FCGR3A: variants seen among roughly 807,000 people sequenced by gnomAD.
FCGR3A encodes the protein Fc gamma receptor IIIa.
Under a neutral mutation model 24.1 loss-of-function variants are expected in FCGR3A, and 13 were observed. The observed-to-expected ratio is 0.54, with a 90% confidence interval of 0.35 to 0.86. FCGR3A has a LOEUF of 0.86. Among genes scored for constraint, FCGR3A ranks in the 40% least tolerant of loss-of-function variants. FCGR3A has a pLI of 0.01. For missense variants in FCGR3A, 235 were observed against 298.0 expected (o/e 0.79, Z 1.56); for synonymous variants, 93 against 112.2 (o/e 0.83, Z 1.08).
chr1:161,549,822 C>G, upstream of FCGR3A: 1 of 1,613,722 alleles, frequency 6.2e-7, no homozygotes, highest in Non-Finnish European at 8.5e-7. Context: ...AGTAAACAGC[C>G]TTTCCCCAGC....
At chr1:161,545,313 T>C (rs1677338485) in intron 3 of FCGR3A, 1 of 274,490 alleles carries the variant, frequency 3.6e-6, no homozygotes, top group African/African-American at 2.2e-5. Flanking sequence ...CAGTAAGTTC[T>C]AGATCAGAGT....
intron 4 of FCGR3A, among the ~76,000 whole-genome samples, chr1:161,544,022 G>A (rs1318293208): frequency 1.3e-5 from 2 of 152,304 alleles, no homozygotes; most frequent in African/African-American, 2.4e-5. Flanking sequence ...TCTTTGATGT[G>A]ACCTTAGGGA....
intron 4 of FCGR3A, among the ~76,000 whole-genome samples, chr1:161,544,373 C>T (rs1472903418): frequency 2.0e-5 from 3 of 151,664 alleles, no homozygotes; most frequent in Admixed American, 6.6e-5. Context: ...GAGGCCAGCA[C>T]GATAGGAACA....
intron 1 of FCGR3A, 60 bp downstream of exon 1, chr1:161,549,637 G>A: frequency 6.2e-7 from 1 of 1,603,864 alleles, no homozygotes; most frequent in East Asian, 2.2e-5. Flanking sequence ...CTGAAAAGGG[G>A]TCTCTGCTGA....
chr1:161,547,968 G>A (rs1374943103), intron 3 of FCGR3A, among the ~76,000 whole-genome samples: 12 of 152,412 alleles, frequency 7.9e-5, no homozygotes, highest in African/African-American at 2.6e-4. Flanking sequence ...TACTCGGGAG[G>A]CTGAGGCAGG....
At chr1:161,549,462 T>C (rs1425815867) in intron 1 of FCGR3A, among the ~76,000 whole-genome samples, 2 of 152,056 alleles carry the variant, frequency 1.3e-5, no homozygotes, top group African/African-American at 4.8e-5. Flanking sequence ...AGAGTGATTC[T>C]GGGACCCAGA....
chr1:161,550,163 C>T (rs569115028), upstream of FCGR3A: 421 of 513,112 alleles, frequency 8.2e-4, 6 homozygotes, highest in Admixed American at 0.013. Flanking sequence ...TGAGGGCTTC[C>T]TTCATTTCAC....
chr1:161,546,827 C>T (rs569793753), intron 3 of FCGR3A, among the ~76,000 whole-genome samples: 93 of 152,020 alleles, frequency 6.1e-4, no homozygotes, highest in African/African-American at 2.2e-3. Context: ...ATTGCTTGAA[C>T]CCGGGAGGTG....
chr1:161,547,974 G>T (rs1315405474), intron 3 of FCGR3A, among the ~76,000 whole-genome samples: 19 of 152,412 alleles, frequency 1.2e-4, no homozygotes, highest in African/African-American at 4.3e-4. Flanking sequence ...GGAGGCTGAG[G>T]CAGGAGAATC....
Position 161,544,647 on chromosome 1 carries a change from T to C in FCGR3A, c.577+54A>G, listed in dbSNP as rs1406491355. The C allele has an allele frequency of 6.9e-6, 11 of 1,590,898 alleles. No individual in the cohort carries two copies. In the African/African-American group the frequency reaches 1.1e-4, roughly 16 times the overall value. ...TCCCAACTCAACTTCCCAGTGTGATTGCAGGTTCCACACACAGGCGTCCCT... is the reference window on the plus strand; with the variant it reads ...TCCCAACTCAACTTCCCAGTGTGATCGCAGGTTCCACACACAGGCGTCCCT... On this transcript the variant is annotated intron_variant, in intron 4 of 4. Coordinates refer to ENST00000443193, the MANE Select transcript of FCGR3A (RefSeq NM_000569.8).
At chr1:161,545,917 C>T (rs1677371481) in intron 3 of FCGR3A, 1 of 152,006 alleles carries the variant, frequency 6.6e-6, no homozygotes, top group South Asian at 2.1e-4. Flanking sequence ...GAAGGATATG[C>T]ACTTACATAT....
At chr1:161,549,319 G>T (rs1677626379) in intron 1 of FCGR3A, among the ~76,000 whole-genome samples, 1 of 151,816 alleles carries the variant, frequency 6.6e-6, no homozygotes, top group African/African-American at 2.4e-5. Flanking sequence ...CCTGAACCAA[G>T]CTACAGAAAG....
rs894642895 is a variant in FCGR3A, at chr1:161,544,784, T to C, written c.494A>G (p.Lys165Arg). ...SDFYIPKATL[K>R]DSGSYFCRGL... The stretch of plus-strand genomic sequence containing the variant: ...CCTGCAGAAGTAGGAGCCGCTGTCT[T>C]TGAGTGTGGCTTTTGGAATGTAGAA... The change falls in exon 4 of 5, where the codon AAA becomes AGA. Residue 165 changes from lysine (K) to arginine (R), a missense_variant. Coordinates refer to ENST00000443193, the MANE Select transcript of FCGR3A (RefSeq NM_000569.8). 2.3e-5 allele frequency: 37 copies of C among 1,613,566 alleles called. No homozygotes were observed. In the Admixed American group the frequency reaches 4.3e-4, roughly 19 times the overall value.
rs1677202240 is a variant in FCGR3A, at chr1:161,543,067, G to C, written c.710C>G (p.Thr237Arg). 1 of 1,613,458 alleles carries C rather than the reference G, an allele frequency of 6.2e-7. No homozygotes were observed. The highest frequency in any genetic ancestry group is 1.7e-5 in the Admixed American group (1 of 59,956). Residue 237 changes from threonine to arginine, a missense_variant, in exon 5 of 5, where the codon ACA becomes AGA. Physicochemically the swap from Thr to Arg is moderately conservative, Grantham distance 71. Transcript: ENST00000443193. ...FSVKTNIRSS[T>R]RDWKDHKFKW... ...AAATTTATGGTCCTTCCAGTCTCTT[G>C]TTGAGCTTCGAATGTTTGTCTTCAC...
chr1:161,542,814 G>T lies in FCGR3A; in HGVS notation c.*198C>A, dbSNP rs963187885. 2.1e-6 allele frequency: 1 copy of T among 485,286 alleles called. No homozygotes were observed. The highest frequency in any genetic ancestry group is 1.9e-5 in the African/African-American group (1 of 51,784). 30.1% of individuals were successfully genotyped at this position (485,286 alleles called of 1,614,324 possible). A position where few individuals can be genotyped will look rare whatever the true frequency, so the allele number is the denominator to read the frequency against. On this transcript the variant is annotated 3_prime_UTR_variant, in exon 5 of 5. Coordinates refer to ENST00000443193, the MANE Select transcript of FCGR3A (RefSeq NM_000569.8). ...TCTAGGAATGCAGCTACTCACTGGG[G>T]CTTCCCTGCTTGAAGATCATGGGCT... is the stretch of plus-strand genomic sequence containing the variant.
In FCGR3A at chr1:161,542,640, G is replaced by GT. The variant is rs929608794; in HGVS notation, c.*371dup. 9.5e-4 allele frequency: 158 copies of GT among 167,034 alleles called. No individual in the cohort carries two copies. Among genetic ancestry groups the GT allele is most frequent in the South Asian group, 2.6e-3 (16 of 6,190 alleles). The allele number at this position is 167,034 out of a possible 1,614,324, so 10.3% of individuals were successfully genotyped here. On this transcript the variant is annotated 3_prime_UTR_variant, in exon 5 of 5. Transcript: ENST00000443193. ...CTTATCCATTTATTTAGGAATAATT[G>GT]TTTTTTTTTCCCCTCTAAACTGGGT...
chr1:161,546,720 GC>G (rs1557855491), intron 3 of FCGR3A, among the ~76,000 whole-genome samples: 34 of 151,714 alleles, frequency 2.2e-4, no homozygotes, highest in Admixed American at 1.1e-3. Context: ...CCTGGCTAAC[GC>G]TGCGAAACCC....
chr1:161,543,389 G>A (rs1183144148), intron 4 of FCGR3A, among the ~76,000 whole-genome samples, 190 bp from the exon 5 acceptor site: 4 of 152,126 alleles, frequency 2.6e-5, no homozygotes, highest in African/African-American at 9.7e-5. Flanking sequence ...TCTGAGCAGA[G>A]GACAGCTCAC....
At position 161,549,787 on chromosome 1, in the gene FCGR3A, G is replaced by T; in HGVS notation, c.-51C>A. ...ACCAAAGATATCCGGAGCCCTAAAG[G>T]GACCAAACCGACTAGACAGGAGGAA... On this transcript the variant is annotated 5_prime_UTR_variant, in exon 1 of 5. Transcript: ENST00000443193. 6.2e-7 allele frequency: 1 copy of T among 1,613,764 alleles called. No individual in the cohort carries two copies. Among genetic ancestry groups the T allele is most frequent in the East Asian group, 2.2e-5 (1 of 44,866 alleles).
Sources: gnomAD v4.1 joint callset for allele counts (sites outside exome capture counted in the v4.1 genomes callset) on GRCh38, gnomAD v4.1.1 for gene constraint, MANE v1.5 for transcripts, NCBI Gene and HGNC (gene_info 2026-07-23, HGNC 2026-07-21) for gene names.